Variants in KLHL13 observed in about 807,000 individuals in gnomAD.
KLHL13 encodes kelch like family member 13, also known as kelch-like protein 13.
Under a neutral mutation model 37.1 loss-of-function variants are expected in KLHL13, and 10 were observed. That is an observed-to-expected ratio of 0.27 (90% CI 0.17 to 0.46). KLHL13 has a LOEUF of 0.46. Among genes scored for constraint, KLHL13 ranks in the 20% least tolerant of loss-of-function variants. The pLI, the probability that KLHL13 is intolerant of heterozygous loss-of-function variation, is 1.00. For synonymous variants in KLHL13, 163 were observed against 181.2 expected, an observed-to-expected ratio of 0.90 and a Z score of 0.81; for missense variants, 360 against 509.3, an observed-to-expected ratio of 0.71 and a Z score of 2.82.
At chrX:118,080,946 T>C (rs1007715849) in intron 1 of KLHL13, among the ~76,000 whole-genome samples, 1 of 111,377 alleles carries the variant, frequency 9.0e-6, no homozygotes, top group Admixed American at 9.6e-5. Context: ...AAAGAAAAAA[T>C]CATGTCCTTT....
At chrX:118,016,344 C>G (rs1253601211) in intron 1 of KLHL13, among the ~76,000 whole-genome samples, 1 of 111,180 alleles carries the variant, frequency 9.0e-6, no homozygotes. Context: ...GGGCTTATTC[C>G]TAGAATCTAT....
In KLHL13 at chrX:118,094,419, G is replaced by T. The variant is rs182868921; in HGVS notation, c.-56+22089C>A. Among the ~76,000 whole-genome samples, 929 of 111,516 alleles carry T rather than the reference G, an allele frequency of 8.3e-3. 8 individuals are homozygous for T. The highest frequency in any genetic ancestry group is 0.029 in the African/African-American group (897 of 30,702). ...AAGACCAAATCTACGTCTGATTGGT[G>T]TACCTGAAAGTGACAGGGAGAATGG... On this transcript the variant is annotated intron_variant, in intron 1 of 6. Coordinates refer to the KLHL13 transcript ENST00000371882.
intron 1 of KLHL13, among the ~76,000 whole-genome samples, chrX:118,063,038 G>A (rs762202430): frequency 5.4e-5 from 6 of 111,598 alleles, no homozygotes; most frequent in Admixed American, 2.9e-4. Context: ...ACTGACTGCC[G>A]GTAGTGCTTT....
At chrX:118,069,109 T>TCACACACACACACACACACACACACA (rs771534683) in intron 1 of KLHL13, among the ~76,000 whole-genome samples, 59 of 83,983 alleles carry the variant, frequency 7.0e-4, no homozygotes, top group African/African-American at 2.7e-3. Context: ...TCCAGAAGAG[T>TCACACACACACACACACACACACACA]CACACACACA....
intron 1 of KLHL13, among the ~76,000 whole-genome samples, chrX:118,051,394 G>C (rs1569303367): frequency 9.2e-6 from 1 of 108,460 alleles, no homozygotes. Flanking sequence ...CAAAAAAATT[G>C]GCCGGGCGTG....
At chrX:117,924,192 T>C (rs1000492700) in intron 2 of KLHL13, among the ~76,000 whole-genome samples, 4 of 112,132 alleles carry the variant, frequency 3.6e-5, no homozygotes, top group African/African-American at 1.3e-4. Flanking sequence ...ATTCTAAACA[T>C]CTTGTTTGTA....
At chrX:117,900,521 G>A (rs1344284523) in intron 6 of KLHL13, among the ~76,000 whole-genome samples, 2 of 111,869 alleles carry the variant, frequency 1.8e-5, no homozygotes, top group East Asian at 2.8e-4. Context: ...TAGATAGATG[G>A]TGTAAATCAT....
intron 1 of KLHL13, among the ~76,000 whole-genome samples, chrX:118,045,264 C>A (rs769588169): frequency 6.0e-4 from 65 of 107,801 alleles, no homozygotes; most frequent in Non-Finnish European, 8.6e-4. Flanking sequence ...GTCTCAGTTA[C>A]TAGGGAGGCT....
At chrX:118,038,698 T>C (rs1010465468) in intron 1 of KLHL13, among the ~76,000 whole-genome samples, 2 of 111,451 alleles carry the variant, frequency 1.8e-5, no homozygotes, top group African/African-American at 6.5e-5. Context: ...GCTCTGGCAT[T>C]CTAAATAAAG....
chrX:118,029,074 C>A (rs1034052394), intron 1 of KLHL13, among the ~76,000 whole-genome samples: 32 of 111,375 alleles, frequency 2.9e-4, no homozygotes, highest in African/African-American at 9.8e-4. Context: ...TTCAGGCATC[C>A]ACTGGGGGTC....
chrX:118,083,584 G>A (rs149490873), intron 1 of KLHL13, among the ~76,000 whole-genome samples: 1 of 111,396 alleles, frequency 9.0e-6, no homozygotes, highest in Non-Finnish European at 1.9e-5. Context: ...GGGCGAGAGT[G>A]GGGGGCAGGT....
chrX:117,992,875 C>T (rs2053810568), intron 1 of KLHL13, among the ~76,000 whole-genome samples: 1 of 111,912 alleles, frequency 8.9e-6, no homozygotes, highest in South Asian at 3.7e-4. Context: ...TTTCTACAGG[C>T]AGAGCCCATT....
rs6645427 is a variant in KLHL13 at position 117,963,958 on chromosome X, C to G, written c.98+8773G>C. Among the ~76,000 whole-genome samples, 537 of 83,639 alleles carry G rather than the reference C, an allele frequency of 6.4e-3. 5 individuals are homozygous for G. Among genetic ancestry groups the G allele is most frequent in the African/African-American group, 0.022 (474 of 21,825 alleles). The allele number at this position is 83,639 out of a possible 115,157, so 72.6% of individuals were successfully genotyped here. On this transcript the variant is annotated intron_variant, in intron 1 of 6. Coordinates refer to ENST00000262820, the Ensembl canonical transcript of KLHL13. ...ATCGCAAGAACAAAAAACCAAACAC[C>G]GCATATTCTCACTCATAGGTGGGAA...
At chrX:118,014,519 C>G (rs1407848429) in intron 1 of KLHL13, among the ~76,000 whole-genome samples, 1 of 111,969 alleles carries the variant, frequency 8.9e-6, no homozygotes, top group East Asian at 2.8e-4. Flanking sequence ...CTAATTTTGC[C>G]TTTGCCTTGT....
intron 1 of KLHL13, among the ~76,000 whole-genome samples, chrX:117,961,819 C>T (rs1185039039): frequency 9.0e-6 from 1 of 110,685 alleles, no homozygotes; most frequent in African/African-American, 3.3e-5. Flanking sequence ...CAGGAATGAG[C>T]AGGAAACAGA....
chrX:117,934,161 G>A (rs1932645275), intron 2 of KLHL13, among the ~76,000 whole-genome samples: 1 of 110,800 alleles, frequency 9.0e-6, no homozygotes. Flanking sequence ...TGGGAGAAGG[G>A]CTGAAAAACT....
chrX:117,941,054 C>A (rs1338384071), intron 2 of KLHL13, among the ~76,000 whole-genome samples: 1 of 111,837 alleles, frequency 8.9e-6, no homozygotes, highest in African/African-American at 3.3e-5. Flanking sequence ...AGCTTTTGCC[C>A]ATTCGGTATA....
At chrX:117,921,260 T>C in intron 2 of KLHL13, among the ~76,000 whole-genome samples, 1 of 112,430 alleles carries the variant, frequency 8.9e-6, no homozygotes, top group East Asian at 2.8e-4. Context: ...GTTTTTCAAT[T>C]TTTATCTTTT....
rs1220684513 is a variant in KLHL13 at position 118,032,191 on chromosome X, C to T, written c.-56+84317G>A. Among the ~76,000 whole-genome samples the T allele has an allele frequency of 3.6e-5, 4 of 111,236 alleles. No individual in the cohort carries two copies. In the Admixed American group the frequency reaches 3.8e-4, roughly 11 times the overall value. ...GGGCGCCCACCATTGCCCAGGCTTGCTTAGGTAAACAAAGCAGCCAGGAAG... is the reference window on the plus strand; with the variant it reads ...GGGCGCCCACCATTGCCCAGGCTTGTTTAGGTAAACAAAGCAGCCAGGAAG... On this transcript the variant is annotated intron_variant, in intron 1 of 6. Coordinates refer to the KLHL13 transcript ENST00000371882.
Sources: allele counts gnomAD v4.1 joint callset (sites outside exome capture counted in the v4.1 genomes callset), GRCh38; gene constraint gnomAD v4.1.1; transcripts MANE v1.5; gene names NCBI Gene and HGNC (gene_info 2026-07-23, HGNC 2026-07-21).